PID1: variants seen among roughly 807,000 people sequenced by gnomAD.
PID1 encodes the protein phosphotyrosine interaction domain containing 1, also known as PTB-containing, cubilin and LRP1-interacting protein.
Under a neutral mutation model 19.1 loss-of-function variants are expected in PID1, and 10 were observed. That is an observed-to-expected ratio of 0.52 (90% CI 0.32 to 0.89). The LOEUF is 0.89. Ranked by LOEUF, PID1 falls within the 40% of genes least tolerant of loss-of-function variation. The pLI, the probability that PID1 is intolerant of heterozygous loss-of-function variation, is 0.03. For synonymous variants in PID1, 130 were observed against 116.0 expected, an observed-to-expected ratio of 1.12 and a Z score of -0.78; for missense variants, 248 against 285.3, an observed-to-expected ratio of 0.87 and a Z score of 0.94.
intron 1 of PID1, among the ~76,000 whole-genome samples, chr2:229,193,799 C>T (rs1691315159): frequency 1.3e-5 from 2 of 149,030 alleles, no homozygotes; most frequent in Admixed American, 1.3e-4. Context: ...AAAAAAAAGA[C>T]CTTTCAAAGT....
chr2:229,221,714 C>T (rs1017006866), intron 1 of PID1, among the ~76,000 whole-genome samples: 4 of 152,172 alleles, frequency 2.6e-5, no homozygotes, highest in Admixed American at 2.0e-4. Flanking sequence ...AGGAAAAGAC[C>T]TATATTCCAA....
chr2:229,248,087 A>G (rs1197102333), intron 1 of PID1, among the ~76,000 whole-genome samples: 2 of 152,110 alleles, frequency 1.3e-5, no homozygotes, highest in East Asian at 1.9e-4. Context: ...ATATATCAGT[A>G]TATATTTCCT....
intron 1 of PID1, among the ~76,000 whole-genome samples, chr2:229,211,291 T>A (rs1010549174): frequency 2.6e-5 from 4 of 152,010 alleles, no homozygotes; most frequent in African/African-American, 9.7e-5. Flanking sequence ...GCGTCCCACA[T>A]GATCTAATAT....
intron 2 of PID1, among the ~76,000 whole-genome samples, chr2:229,138,987 GAAAGAAA>G (rs1689918359): frequency 1.7e-5 from 1 of 57,342 alleles, no homozygotes. Context: ...ATAGAAGAAA[GAAAGAAA>G]GAAAGAAAGA....
At position 229,083,531 on chromosome 2, in the gene PID1, T is replaced by A. The variant is rs140477597; in HGVS notation, c.178-57423A>T. Among the ~76,000 whole-genome samples, 559 of 152,324 alleles carry A rather than the reference T, an allele frequency of 3.7e-3. 7 individuals are homozygous for A. The highest frequency in any genetic ancestry group is 3.9e-3 in the Non-Finnish European group (265 of 68,030). Reference sequence around the variant, plus strand: ...AAGAACTTGAGGCAAGAGAAAAACATCTGTTATTTGAGAAATAACTGAAAA... The same window carrying A: ...AAGAACTTGAGGCAAGAGAAAAACAACTGTTATTTGAGAAATAACTGAAAA... On this transcript the variant is annotated intron_variant, in intron 2 of 2. Transcript: ENST00000392055.
intron 2 of PID1, among the ~76,000 whole-genome samples, chr2:229,137,025 A>T (rs960798153): frequency 6.6e-6 from 1 of 152,234 alleles, no homozygotes; most frequent in Non-Finnish European, 1.5e-5. Context: ...GCTCATCATA[A>T]TGCGGGAGAA....
chr2:229,129,734 C>A (rs1689688097), intron 2 of PID1, among the ~76,000 whole-genome samples: 4 of 152,164 alleles, frequency 2.6e-5, no homozygotes, highest in Admixed American at 2.6e-4. Context: ...GGTTTCTTCC[C>A]TAAGATGAGC....
chr2:229,192,497 A>G (rs1574709289), intron 1 of PID1, among the ~76,000 whole-genome samples: 1 of 152,240 alleles, frequency 6.6e-6, no homozygotes. Flanking sequence ...GAACAATAAA[A>G]AAGAAATTAT....
chr2:229,105,912 T>C (rs1158034842), intron 2 of PID1, among the ~76,000 whole-genome samples: 1 of 151,994 alleles, frequency 6.6e-6, no homozygotes, highest in East Asian at 1.9e-4. Context: ...ACCCCATCTC[T>C]ACTAAAAATA....
intron 2 of PID1, among the ~76,000 whole-genome samples, chr2:229,114,475 T>C (rs1199103011): frequency 1.3e-5 from 2 of 152,106 alleles, no homozygotes; most frequent in Non-Finnish European, 2.9e-5. Flanking sequence ...CTGTCAATCA[T>C]TTGAAATTGC....
At chr2:229,049,690 C>A (rs1400698058) in intron 2 of PID1, among the ~76,000 whole-genome samples, 2 of 152,302 alleles carry the variant, frequency 1.3e-5, no homozygotes, top group African/African-American at 4.8e-5. Context: ...GCTCAGAAAT[C>A]TAGAGGTTAA....
At chr2:229,110,100 T>C (rs1270480886) in intron 2 of PID1, among the ~76,000 whole-genome samples, 1 of 152,236 alleles carries the variant, frequency 6.6e-6, no homozygotes, top group African/African-American at 2.4e-5. Context: ...AAAGACGCTG[T>C]AACCTAGTAG....
At position 229,222,726 on chromosome 2, in the gene PID1, C is replaced by A. The variant is rs1174890099; in HGVS notation, c.30+48288G>T. Among the ~76,000 whole-genome samples the A allele has an allele frequency of 2.0e-5, 3 of 152,162 alleles. No individual in the cohort carries two copies. In the East Asian group the frequency reaches 5.8e-4, roughly 29 times the overall value. On this transcript the variant is annotated intron_variant, in intron 1 of 2. Transcript: ENST00000392055. ...CTGTCTCCACCTGACTGTCTTTGAA[C>A]CTTAGACATCAGTCTTCTCCTGACT...
At chr2:229,117,354 T>C (rs1455498440) in intron 2 of PID1, among the ~76,000 whole-genome samples, 1 of 152,162 alleles carries the variant, frequency 6.6e-6, no homozygotes, top group Non-Finnish European at 1.5e-5. Flanking sequence ...GTCTTACCTC[T>C]AATCAAATCT....
At chr2:229,150,380 C>A (rs77246582) in intron 2 of PID1, among the ~76,000 whole-genome samples, 4,418 of 152,192 alleles carry the variant, frequency 0.029, 229 homozygotes, top group African/African-American at 0.1. Context: ...ACCCTCAGGG[C>A]TGACCTCAGA....
At chr2:229,185,855 A>G (rs1325228791) in intron 1 of PID1, among the ~76,000 whole-genome samples, 1 of 152,064 alleles carries the variant, frequency 6.6e-6, no homozygotes, top group Non-Finnish European at 1.5e-5. Flanking sequence ...TTCAAAACCA[A>G]TCATGTCTTC....
chr2:229,176,143 T>C (rs17614339), intron 1 of PID1, among the ~76,000 whole-genome samples: 3,320 of 134,490 alleles, frequency 0.025, 62 homozygotes, highest in South Asian at 0.092. Context: ...CCAAAGTTCC[T>C]ACAACCTTCA....
chr2:229,094,952 G>A (rs544598563), intron 2 of PID1, among the ~76,000 whole-genome samples: 2 of 152,074 alleles, frequency 1.3e-5, no homozygotes, highest in Non-Finnish European at 2.9e-5. Context: ...TGCTACACAC[G>A]ATACGTTACA....
chr2:229,075,943 T>G (rs1694548575), intron 2 of PID1, among the ~76,000 whole-genome samples: 1 of 152,180 alleles, frequency 6.6e-6, no homozygotes, highest in Non-Finnish European at 1.5e-5. Context: ...TACTACTGCT[T>G]CTACTCACCA....
Sources: gnomAD v4.1 joint callset for allele counts (sites outside exome capture counted in the v4.1 genomes callset) on GRCh38, gnomAD v4.1.1 for gene constraint, MANE v1.5 for transcripts, NCBI Gene and HGNC (gene_info 2026-07-23, HGNC 2026-07-21) for gene names.